The following LIN54 variants were observed in gnomAD, a reference collection of about 807,000 sequenced individuals.
The protein encoded by LIN54 is lin-54 DREAM MuvB core complex component.
Under a neutral mutation model 78.7 loss-of-function variants are expected in LIN54, and 9 were observed. The ratio of observed to expected loss-of-function variants is 0.11; its 90% confidence interval spans 0.07 to 0.20. The LOEUF is 0.20. Ranked by LOEUF, LIN54 falls within the 10% of genes least tolerant of loss-of-function variation. LIN54 has a pLI of 1.00. For missense variants in LIN54, 573 were observed against 889.9 expected, an observed-to-expected ratio of 0.64 and a Z score of 4.53; for synonymous variants, 269 against 318.4, an observed-to-expected ratio of 0.84 and a Z score of 1.65.
At chr4:82,959,224 G>A (rs1724590788) in intron 4 of LIN54, among the ~76,000 whole-genome samples, 1 of 152,108 alleles carries the variant, frequency 6.6e-6, no homozygotes, top group Non-Finnish European at 1.5e-5. Context: ...AGAGCTGATG[G>A]TGGTGGCTCA....
chr4:83,008,228 T>C (rs1260961766), intron 1 of LIN54, among the ~76,000 whole-genome samples: 1 of 152,226 alleles, frequency 6.6e-6, no homozygotes, highest in African/African-American at 2.4e-5. Context: ...GAATTGATCC[T>C]TCCAACTTCA....
intron 12 of LIN54, among the ~76,000 whole-genome samples, chr4:82,929,191 T>G (rs1721740216): frequency 6.6e-6 from 1 of 152,192 alleles, no homozygotes; most frequent in Non-Finnish European, 1.5e-5. Flanking sequence ...AAATATTAAT[T>G]TAAGGTTTTG....
chr4:82,970,560 G>T, intron 3 of LIN54, 91 bp from the exon 4 acceptor site: 1 of 1,162,210 alleles, frequency 8.6e-7, no homozygotes, highest in Non-Finnish European at 1.2e-6. Context: ...AAGGACTGCA[G>T]AATGTATGTT....
intron 3 of LIN54, among the ~76,000 whole-genome samples, chr4:82,974,628 T>C (rs946143241): frequency 2.2e-4 from 33 of 151,992 alleles, no homozygotes; most frequent in Non-Finnish European, 4.1e-4. Context: ...TCCCAGCTAC[T>C]TGGGAGGCTG....
chr4:82,937,403 A>G, intron 8 of LIN54, 105 bp from the exon 9 acceptor site: 1 of 639,910 alleles, frequency 1.6e-6, no homozygotes, highest in African/African-American at 1.9e-5. Flanking sequence ...ACCTAAAACT[A>G]ATTTAAAATT....
chr4:82,979,890 T>G (rs1726479551), intron 2 of LIN54, among the ~76,000 whole-genome samples: 2 of 136,314 alleles, frequency 1.5e-5, no homozygotes, highest in Admixed American at 1.7e-4. Flanking sequence ...GAGTCGAGAT[T>G]GCACCACTGC....
At position 82,936,055 on chromosome 4, in the gene LIN54, A is replaced by G. The variant is rs1374831850; in HGVS notation, c.1771T>C (p.Ser591Pro). ...CACCCTTTGCTATGACGTCGATCAG[A>G]TTCTCCCTCCTTTCCTTTCCCTATC... ...PKIGKGKEGESDRRHSKGCNC... is the reference protein window; with the variant it reads ...PKIGKGKEGEPDRRHSKGCNC... The change falls in exon 11 of 13, where the codon TCT (serine) becomes CCT (proline). Residue 591 changes from serine (S) to proline (P), a missense_variant. Transcript: ENST00000340417. 1.2e-6 allele frequency: 2 copies of G among 1,613,974 alleles called. No individual in the cohort carries two copies. Among genetic ancestry groups the G allele is most frequent in the Non-Finnish European group, 1.7e-6 (2 of 1,179,834 alleles).
At position 82,984,469 on chromosome 4, in the gene LIN54, G is replaced by A; in HGVS notation, c.376C>T (p.Leu126Phe). The part of the protein sequence containing the change: ...ILNKVSQTSD[L>F]KLGNQTLKPD... ...TTAAGGGTCTGATTGCCAAGTTTAA[G>A]ATCAGATGTCTGTGATACTTTGTTT... Residue 126 changes from leucine to phenylalanine, a missense_variant, in exon 2 of 13, where the codon CTT becomes TTT. Leu to Phe is a conservative substitution (Grantham distance 22). Coordinates refer to ENST00000340417, the MANE Select transcript of LIN54 (RefSeq NM_194282.4). 7.4e-6 allele frequency: 12 copies of A among 1,614,174 alleles called. No individual in the cohort carries two copies. The highest frequency in any genetic ancestry group is 8.5e-6 in the Non-Finnish European group (10 of 1,180,018).
At chr4:83,008,201 T>C (rs1412833631) in intron 1 of LIN54, among the ~76,000 whole-genome samples, 4 of 152,328 alleles carry the variant, frequency 2.6e-5, no homozygotes, top group East Asian at 3.9e-4. Flanking sequence ...TAAGGCCTTC[T>C]GCAGCAAGAC....
In LIN54 at chr4:82,931,054, T is replaced by C; in HGVS notation, c.1937A>G (p.Asp646Gly). 6.2e-7 allele frequency: 1 copy of C among 1,614,226 alleles called. No homozygotes were observed. ...PERKTLMHLADAAEVRVQQQT... is the reference protein window; with the variant it reads ...PERKTLMHLAGAAEVRVQQQT... ...TTGCTGTACCCTTACTTCAGCTGCA[T>C]CTGCCAAATGCATCAATGTCTTCCT... The change falls in exon 12 of 13, where the codon GAT (aspartate) becomes GGT (glycine). Residue 646 changes from aspartate to glycine, a missense_variant. By Grantham distance (94) the Asp-to-Gly change is moderately conservative. This residue lies in a region of LIN54 where 82 missense variants were observed against 140.8 expected (regional missense o/e 0.58). Transcript: ENST00000340417.
At chr4:83,009,487 A>T (rs921664395) in intron 1 of LIN54, among the ~76,000 whole-genome samples, 1 of 152,190 alleles carries the variant, frequency 6.6e-6, no homozygotes, top group Non-Finnish European at 1.5e-5. Context: ...CCAGCCTAAA[A>T]ATTTGATTCA....
At chr4:82,994,455 T>C (rs1728016472) in intron 1 of LIN54, among the ~76,000 whole-genome samples, 1 of 151,924 alleles carries the variant, frequency 6.6e-6, no homozygotes, top group African/African-American at 2.4e-5. Flanking sequence ...TGGAGTGCAG[T>C]GGCGCAATCT....
At chr4:83,010,223 T>C (rs1578683805) in intron 1 of LIN54, among the ~76,000 whole-genome samples, 1 of 152,112 alleles carries the variant, frequency 6.6e-6, no homozygotes, top group South Asian at 2.1e-4. Flanking sequence ...AGAGTGGCTG[T>C]TTTAAACATT....
chr4:82,958,342 C>T (rs1724506182), intron 4 of LIN54, among the ~76,000 whole-genome samples: 1 of 152,134 alleles, frequency 6.6e-6, no homozygotes, highest in African/African-American at 2.4e-5. Flanking sequence ...CTTAGTCTCC[C>T]TTACAGTAAG....
intron 3 of LIN54, among the ~76,000 whole-genome samples, chr4:82,976,560 T>G (rs1015076082): frequency 6.6e-6 from 1 of 151,890 alleles, no homozygotes; most frequent in Non-Finnish European, 1.5e-5. Context: ...ATACAAAAAT[T>G]AGCTGGTTGT....
chr4:82,925,575 A>T lies in LIN54; in HGVS notation c.*2527T>A, dbSNP rs1441212559. ...TTTCAAAGCAATTTATGTTAGTAAT[A>T]ACTGAGCAAAATGATAGAATTTTTT... On this transcript the variant is annotated 3_prime_UTR_variant, in exon 13 of 13. Transcript: ENST00000340417. 1.3e-5 allele frequency: 2 copies of T among 152,688 alleles called. No homozygotes were observed. Among genetic ancestry groups the T allele is most frequent in the African/African-American group, 4.8e-5 (2 of 41,460 alleles). 9.5% of individuals were successfully genotyped at this position (152,688 alleles called of 1,614,324 possible).
chr4:82,984,058 T>G (rs193071680), intron 2 of LIN54, 103 bp downstream of exon 2: 1 of 762,776 alleles, frequency 1.3e-6, no homozygotes, highest in East Asian at 2.6e-5. Context: ...TCAAAAGAAT[T>G]CAGTAACAAC....
chr4:83,011,832 C>G (rs1729871860), upstream of LIN54, among the ~76,000 whole-genome samples: 1 of 137,446 alleles, frequency 7.3e-6, no homozygotes, highest in East Asian at 2.2e-4. Flanking sequence ...AAAAAGGAAA[C>G]TGGCTGCCTT....
intron 1 of LIN54, among the ~76,000 whole-genome samples, chr4:82,998,519 G>A (rs1004902057): frequency 5.2e-4 from 78 of 149,712 alleles, no homozygotes; most frequent in African/African-American, 1.8e-3. Flanking sequence ...TCGGGCGACG[G>A]TGCGAGACTC....
Sources: gnomAD v4.1 joint callset for allele counts (sites outside exome capture counted in the v4.1 genomes callset) on GRCh38, gnomAD v4.1.1 for gene constraint, gnomAD v4.1.1 regional missense constraint, MANE v1.5 for transcripts, NCBI Gene and HGNC (gene_info 2026-07-23, HGNC 2026-07-21) for gene names.